The following MAP3K13 variants were observed in gnomAD, a reference collection of about 807,000 sequenced individuals.
MAP3K13 encodes the protein leucine zipper-bearing kinase.
MAP3K13 carries 52 observed loss-of-function variants against 104.0 expected under a neutral mutation model. That is an observed-to-expected ratio of 0.50 (90% CI 0.40 to 0.63). The LOEUF (loss-of-function observed/expected upper bound fraction) is 0.63, where lower values mean the gene tolerates loss of function less well. MAP3K13 is among the 20% of genes least tolerant of loss of function. MAP3K13 has a pLI of 0.00. For missense variants in MAP3K13, 914 were observed against 1,218.5 expected (o/e 0.75, Z 3.72); for synonymous variants, 394 against 442.2 (o/e 0.89, Z 1.37).
intron 10 of MAP3K13, among the ~76,000 whole-genome samples, chr3:185,472,740 C>T (rs1218679493): frequency 2.6e-5 from 4 of 152,020 alleles, no homozygotes; most frequent in African/African-American, 7.2e-5. Flanking sequence ...GAGATGTTAC[C>T]GATAAGTTGG....
At chr3:185,341,506 T>A (rs977218412) in intron 2 of MAP3K13, among the ~76,000 whole-genome samples, 1 of 152,244 alleles carries the variant, frequency 6.6e-6, no homozygotes, top group Non-Finnish European at 1.5e-5. Context: ...CAGTTTGTGA[T>A]AATTTGTTGA....
upstream of MAP3K13, among the ~76,000 whole-genome samples, chr3:185,360,601 A>G (rs536692253): frequency 1.6e-3 from 243 of 152,272 alleles, 3 homozygotes; most frequent in African/African-American, 4.9e-3. Flanking sequence ...AACTGAGGCC[A>G]AGTTTATCAT....
intron 2 of MAP3K13, among the ~76,000 whole-genome samples, chr3:185,349,906 G>T (rs1034386655): frequency 6.6e-6 from 1 of 152,220 alleles, no homozygotes; most frequent in Non-Finnish European, 1.5e-5. Context: ...CAAGGACACA[G>T]CTTAGAAGAC....
At chr3:185,310,766 A>T (rs1721470540) in intron 2 of MAP3K13, among the ~76,000 whole-genome samples, 1 of 152,218 alleles carries the variant, frequency 6.6e-6, no homozygotes, top group South Asian at 2.1e-4. Flanking sequence ...AATGAAAATA[A>T]CTTGATATAA....
intron 2 of MAP3K13, among the ~76,000 whole-genome samples, chr3:185,357,447 T>TAAAAAAAAAAAAAAAAAAA (rs71162295): frequency 1.1e-4 from 10 of 91,338 alleles, no homozygotes; most frequent in African/African-American, 2.0e-4. Context: ...AAACTCCATC[T>TAAAAAAAAAAAAAAAAAAA]AAAAAAAAAA....
At chr3:185,471,582 CCT>C (rs1386354662) in intron 10 of MAP3K13, among the ~76,000 whole-genome samples, 1 of 151,588 alleles carries the variant, frequency 6.6e-6, no homozygotes, top group East Asian at 1.9e-4. Context: ...GCCTCAGCCC[CCT>C]GAGTAGCTGG....
Position 185,477,507 on chromosome 3 carries a change from G to A in MAP3K13, c.2501+111G>A, listed in dbSNP as rs1020365836. 6 of 786,058 alleles carry A rather than the reference G, an allele frequency of 7.6e-6. No homozygotes were observed. In the African/African-American group the frequency reaches 1.0e-4, roughly 14 times the overall value. The allele number at this position is 786,058 out of a possible 1,614,324, so 48.7% of individuals were successfully genotyped here. On this transcript the variant is annotated intron_variant, in intron 12 of 13. Coordinates refer to ENST00000265026, the MANE Select transcript of MAP3K13 (RefSeq NM_004721.5). The stretch of plus-strand genomic sequence containing the variant: ...GTGATTCCCTGGCAGCCACCTTATA[G>A]GGAACTTTGAACTCACTGTGTTCAT...
At chr3:185,442,206 T>C (rs1020847724) in intron 3 of MAP3K13, among the ~76,000 whole-genome samples, 9 of 142,320 alleles carry the variant, frequency 6.3e-5, no homozygotes, top group African/African-American at 2.3e-4. Context: ...AAAAAAAAAG[T>C]GTATATTTTC....
At chr3:185,419,104 C>A (rs1713978355) in intron 1 of MAP3K13, among the ~76,000 whole-genome samples, 2 of 151,696 alleles carry the variant, frequency 1.3e-5, no homozygotes, top group Admixed American at 1.3e-4. Context: ...GCAACCTCTG[C>A]CTCCCGGGTT....
rs993412410 is a variant in MAP3K13, at chr3:185,486,745, G to A, written c.*4289G>A. 5 of 152,200 alleles carry A rather than the reference G, an allele frequency of 3.3e-5. No homozygotes were observed. The highest frequency in any genetic ancestry group is 9.6e-5 in the African/African-American group (4 of 41,456). The allele number at this position is 152,200 out of a possible 1,614,324, so 9.4% of individuals were successfully genotyped here. A position where few individuals can be genotyped will look rare whatever the true frequency, so the allele number is the denominator to read the frequency against. ...ATGAGTTTTAATTTGGGTTGCAGAT[G>A]AGCATTTGGTTCTGATTTTCATCTA... On this transcript the variant is annotated 3_prime_UTR_variant, in exon 14 of 14. Coordinates refer to ENST00000265026, the MANE Select transcript of MAP3K13 (RefSeq NM_004721.5).
At position 185,315,027 on chromosome 3, in the gene MAP3K13, C is replaced by A. The variant is rs571841810; in HGVS notation, c.-86+29384C>A. Among the ~76,000 whole-genome samples, 1 of 151,990 alleles carries A rather than the reference C, an allele frequency of 6.6e-6. No individual in the cohort carries two copies. The highest frequency in any genetic ancestry group is 2.1e-4 in the South Asian group (1 of 4,824). On this transcript the variant is annotated intron_variant, in intron 2 of 14. Coordinates refer to the MAP3K13 transcript ENST00000424227. The surrounding 1 kb of genome is among the most constrained non-coding windows in gnomAD (Gnocchi z 4.3). ...CAGCACTTTGGGAGGCTGAGGCAGG[C>A]GCATCACGAAGTCAGGAGTTTGAGA...
At chr3:185,379,297 G>A (rs1413539869) in intron 1 of MAP3K13, among the ~76,000 whole-genome samples, 1 of 152,178 alleles carries the variant, frequency 6.6e-6, no homozygotes, top group African/African-American at 2.4e-5. Flanking sequence ...CCGGAGTTTT[G>A]GGTCCACGGA....
chr3:185,290,998 G>C (rs1285523778), intron 2 of MAP3K13, among the ~76,000 whole-genome samples: 1 of 152,160 alleles, frequency 6.6e-6, no homozygotes. Context: ...AAATTTCAGA[G>C]GGCTATAACC....
chr3:185,333,045 T>G (rs1392775762), intron 2 of MAP3K13, among the ~76,000 whole-genome samples: 1 of 152,236 alleles, frequency 6.6e-6, no homozygotes, highest in Admixed American at 6.5e-5. Flanking sequence ...TTGAGCATCT[T>G]TTCATATTTA....
At chr3:185,320,615 T>C (rs539980219) in intron 2 of MAP3K13, among the ~76,000 whole-genome samples, 1 of 152,322 alleles carries the variant, frequency 6.6e-6, no homozygotes, top group East Asian at 1.9e-4. Context: ...TTCTGGACAT[T>C]ACCTCCACGG....
At chr3:185,430,230 T>G (rs1258891394) in intron 2 of MAP3K13, among the ~76,000 whole-genome samples, 2 of 152,238 alleles carry the variant, frequency 1.3e-5, no homozygotes, top group Non-Finnish European at 2.9e-5. Flanking sequence ...ACTCCCATCA[T>G]TGTGTAACAA....
At chr3:185,351,647 C>T (rs893637756) in intron 2 of MAP3K13, among the ~76,000 whole-genome samples, 2 of 152,156 alleles carry the variant, frequency 1.3e-5, no homozygotes, top group African/African-American at 4.8e-5. Flanking sequence ...TAAGATTTCT[C>T]CCAGTATCTT....
At chr3:185,361,866 G>T (rs528119260), upstream of MAP3K13, among the ~76,000 whole-genome samples, 1 of 152,136 alleles carries the variant, frequency 6.6e-6, no homozygotes, top group African/African-American at 2.4e-5. Flanking sequence ...TAACTATGTT[G>T]TTTGCCAACG....
chr3:185,422,060 G>A (rs1714163531), intron 1 of MAP3K13, among the ~76,000 whole-genome samples: 1 of 152,170 alleles, frequency 6.6e-6, no homozygotes, highest in Non-Finnish European at 1.5e-5. Flanking sequence ...CCTCACCTCT[G>A]CCTACTCTGA....
Sources: gnomAD v4.1 joint callset for allele counts (sites outside exome capture counted in the v4.1 genomes callset) on GRCh38, gnomAD v4.1.1 for gene constraint, Gnocchi (gnomAD v3.1) non-coding constraint, MANE v1.5 for transcripts, NCBI Gene and HGNC (gene_info 2026-07-23, HGNC 2026-07-21) for gene names.